PLCXD3: variants seen among roughly 807,000 people sequenced by gnomAD.
PLCXD3 encodes the protein phosphatidylinositol specific phospholipase C X domain containing 3, also known as PI-PLC X domain-containing protein 3.
Under a neutral mutation model 25.5 loss-of-function variants are expected in PLCXD3, and 19 were observed. That is an observed-to-expected ratio of 0.75 (90% CI 0.52 to 1.09). PLCXD3 has a LOEUF of 1.09. Among genes scored for constraint, PLCXD3 ranks in the 50% least tolerant of loss-of-function variants. PLCXD3 has a pLI of 0.00. For synonymous variants in PLCXD3, 174 were observed against 137.6 expected (o/e 1.26, Z -1.85); for missense variants, 411 against 388.1 (o/e 1.06, Z -0.50).
intron 2 of PLCXD3, among the ~76,000 whole-genome samples, chr5:41,380,353 C>T (rs1350093423): frequency 2.0e-5 from 3 of 151,924 alleles, no homozygotes; most frequent in African/African-American, 7.2e-5. Context: ...TGTGTTTTTT[C>T]GCTTCCCCAG....
chr5:41,457,407 A>G (rs1205742060), intron 1 of PLCXD3, among the ~76,000 whole-genome samples: 2 of 151,950 alleles, frequency 1.3e-5, no homozygotes, highest in East Asian at 3.9e-4. Context: ...CTTGTACCTT[A>G]GAGATGGCAT....
intron 2 of PLCXD3, among the ~76,000 whole-genome samples, chr5:41,338,245 A>G (rs1344214641): frequency 6.6e-6 from 1 of 152,142 alleles, no homozygotes; most frequent in Non-Finnish European, 1.5e-5. Flanking sequence ...CTAAAACAAA[A>G]GGTTTTCTTG....
chr5:41,468,258 T>C (rs1016899278), intron 1 of PLCXD3, among the ~76,000 whole-genome samples: 1 of 152,030 alleles, frequency 6.6e-6, no homozygotes, highest in Admixed American at 6.6e-5. Flanking sequence ...CCTCAGGTGA[T>C]TCACCCACCT....
chr5:41,331,269 T>C (rs1342495664), intron 2 of PLCXD3, among the ~76,000 whole-genome samples: 1 of 152,122 alleles, frequency 6.6e-6, no homozygotes, highest in Admixed American at 6.5e-5. Flanking sequence ...AAAATCAATG[T>C]ACAAAAATCA....
intron 1 of PLCXD3, among the ~76,000 whole-genome samples, chr5:41,439,405 G>A (rs1288520901): frequency 6.6e-6 from 1 of 152,144 alleles, no homozygotes; most frequent in Non-Finnish European, 1.5e-5. Context: ...CATTTTAAAA[G>A]TTCCATCCAA....
At chr5:41,349,956 A>AT (rs1744405490) in intron 2 of PLCXD3, among the ~76,000 whole-genome samples, 1 of 151,166 alleles carries the variant, frequency 6.6e-6, no homozygotes, top group Admixed American at 6.6e-5. Flanking sequence ...GCTTTGCAAC[A>AT]TTTTGTTGCA....
At chr5:41,493,371 A>G (rs1020987073) in intron 1 of PLCXD3, among the ~76,000 whole-genome samples, 3 of 152,132 alleles carry the variant, frequency 2.0e-5, no homozygotes, top group Non-Finnish European at 2.9e-5. Context: ...TAGGCTGCTC[A>G]GGGGTCAGGG....
intron 1 of PLCXD3, among the ~76,000 whole-genome samples, chr5:41,431,603 T>G (rs570224279): frequency 6.6e-6 from 1 of 152,332 alleles, no homozygotes; most frequent in Admixed American, 6.5e-5. Context: ...CTTATGTATA[T>G]ATATCACCTT....
intron 2 of PLCXD3, among the ~76,000 whole-genome samples, chr5:41,322,085 A>G (rs1743488850): frequency 1.3e-5 from 2 of 152,226 alleles, no homozygotes; most frequent in South Asian, 4.1e-4. Context: ...AAATGGGATC[A>G]CATCAAATTA....
chr5:41,370,071 T>TAACA (rs1455783541), intron 2 of PLCXD3, among the ~76,000 whole-genome samples: 1 of 152,158 alleles, frequency 6.6e-6, no homozygotes, highest in East Asian at 1.9e-4. Context: ...TTTTTGCTCT[T>TAACA]AACAGCTGAG....
chr5:41,437,241 G>A (rs1260720583), intron 1 of PLCXD3, among the ~76,000 whole-genome samples: 1 of 152,178 alleles, frequency 6.6e-6, no homozygotes, highest in Admixed American at 6.5e-5. Flanking sequence ...CAGAGAGATG[G>A]AATACTGAGA....
At chr5:41,403,403 T>TTTTGTTTTTG (rs1561262421) in intron 1 of PLCXD3, among the ~76,000 whole-genome samples, 2 of 32,204 alleles carry the variant, frequency 6.2e-5, no homozygotes, top group African/African-American at 2.4e-4. Context: ...TATTTGTTGT[T>TTTTGTTTTTG]TTTTTTTTTT....
At chr5:41,367,255 A>G (rs1182055668) in intron 2 of PLCXD3, among the ~76,000 whole-genome samples, 2 of 152,150 alleles carry the variant, frequency 1.3e-5, no homozygotes, top group African/African-American at 4.8e-5. Context: ...CATTCCCACC[A>G]ACAGTGTAAA....
intron 1 of PLCXD3, chr5:41,475,798 C>T (rs1748271168): frequency 1.9e-6 from 1 of 517,794 alleles, no homozygotes; most frequent in South Asian, 1.5e-5. Flanking sequence ...CTACTTGAGA[C>T]CATCATTATG....
intron 1 of PLCXD3, among the ~76,000 whole-genome samples, chr5:41,388,980 A>C (rs956468530): frequency 6.6e-6 from 1 of 151,508 alleles, no homozygotes; most frequent in Non-Finnish European, 1.5e-5. Context: ...ATGTATTTAT[A>C]ATATTTATAC....
intron 1 of PLCXD3, among the ~76,000 whole-genome samples, chr5:41,472,456 C>A (rs1302596357): frequency 6.6e-6 from 1 of 152,044 alleles, no homozygotes; most frequent in African/African-American, 2.4e-5. Flanking sequence ...TTTAAGGGGA[C>A]AAAGAAGAAG....
At chr5:41,313,798 A>G in intron 2 of PLCXD3, 28 bp from the exon 3 acceptor site, 1 of 1,549,526 alleles carries the variant, frequency 6.5e-7, no homozygotes, top group Non-Finnish European at 8.7e-7. Flanking sequence ...AAGAAAAGTC[A>G]CAGAAGGCAA....
intron 1 of PLCXD3, among the ~76,000 whole-genome samples, chr5:41,501,684 G>A (rs763983358): frequency 5.9e-5 from 9 of 151,748 alleles, no homozygotes; most frequent in South Asian, 2.1e-4. Context: ...TAAATTTCAC[G>A]TTATGGATGT....
At chr5:41,450,579 T>C (rs1343375852) in intron 1 of PLCXD3, among the ~76,000 whole-genome samples, 2 of 152,058 alleles carry the variant, frequency 1.3e-5, no homozygotes, top group African/African-American at 4.8e-5. Flanking sequence ...TACACCTGAA[T>C]TTAGGTCTCT....
Sources: allele counts gnomAD v4.1 joint callset (sites outside exome capture counted in the v4.1 genomes callset), GRCh38; gene constraint gnomAD v4.1.1; transcripts MANE v1.5; gene names NCBI Gene and HGNC (gene_info 2026-07-23, HGNC 2026-07-21).